The following AMBRA1 variants were observed in gnomAD, a reference collection of about 807,000 sequenced individuals.
The protein encoded by AMBRA1 is activating molecule in BECN1-regulated autophagy protein 1.
Under a neutral mutation model 125.4 loss-of-function variants are expected in AMBRA1, and 47 were observed. The observed-to-expected ratio is 0.37, with a 90% CI of 0.30 to 0.48. AMBRA1 has a LOEUF of 0.48. Ranked by LOEUF, AMBRA1 falls within the 20% of genes least tolerant of loss-of-function variation. The probability of loss-of-function intolerance (pLI) is 0.99; values close to 1 mark genes in which losing one functional copy is unlikely to be tolerated. For synonymous variants in AMBRA1, 626 were observed against 655.5 expected, an observed-to-expected ratio of 0.95 and a Z score of 0.69; for missense variants, 1,331 against 1,693.4, an observed-to-expected ratio of 0.79 and a Z score of 3.76.
At chr11:46,502,388 A>AT (rs1207741971) in intron 9 of AMBRA1, among the ~76,000 whole-genome samples, 1 of 152,230 alleles carries the variant, frequency 6.6e-6, no homozygotes, top group Non-Finnish European at 1.5e-5. Flanking sequence ...TGCACTCCTA[A>AT]TATTAGAGTC....
chr11:46,575,512 C>CTTTTTTTTTTTTTTTTTTTTTTTTT, intron 1 of AMBRA1, among the ~76,000 whole-genome samples: 1 of 100,412 alleles, frequency 1.0e-5, no homozygotes, highest in Non-Finnish European at 2.0e-5. Context: ...TTTTTCTTTC[C>CTTTTTTTTTTTTTTTTTTTTTTTTT]TTTTTTTTTT....
At chr11:46,560,239 A>G (rs1359209961) in intron 1 of AMBRA1, among the ~76,000 whole-genome samples, 1 of 152,242 alleles carries the variant, frequency 6.6e-6, no homozygotes, top group Non-Finnish European at 1.5e-5. Context: ...CACAGGCAGC[A>G]GCATTAGTTT....
Position 46,512,817 on chromosome 11 carries a change from G to A in AMBRA1, c.2073-4C>T. 1 of 1,608,162 alleles carries A rather than the reference G, an allele frequency of 6.2e-7. No homozygotes were observed. The highest frequency in any genetic ancestry group is 8.5e-7 in the Non-Finnish European group (1 of 1,177,134). On this transcript the variant is annotated splice_region_variant and splice_polypyrimidine_tract_variant and intron_variant, in intron 7 of 17. Coordinates refer to ENST00000683756, the MANE Select transcript of AMBRA1 (RefSeq NM_001387011.1). ...GAGGGAAGATTCCAGCAGCCTCCTAGCAGAGATTAAAAAAATGGCAATAAT... is the reference window on the plus strand; with the variant it reads ...GAGGGAAGATTCCAGCAGCCTCCTAACAGAGATTAAAAAAATGGCAATAAT...
intron 11 of AMBRA1, among the ~76,000 whole-genome samples, chr11:46,456,651 G>C (rs537346926): frequency 2.0e-5 from 3 of 152,344 alleles, no homozygotes; most frequent in African/African-American, 4.8e-5. Context: ...TTATTGTTTG[G>C]TGGAAGCACA....
chr11:46,548,433 C>T lies in AMBRA1; in HGVS notation c.-53G>A, dbSNP rs2042892571. 21 of 1,607,878 alleles carry T rather than the reference C, an allele frequency of 1.3e-5. No individual in the cohort carries two copies. In the South Asian group the frequency reaches 1.9e-4, roughly 14 times the overall value. ...GCCCAGGAAATGAAGGAGCAAGTAA[C>T]AGCTCCAACACACTGAAGCAGCTAA... is the stretch of plus-strand genomic sequence containing the variant. On this transcript the variant is annotated 5_prime_UTR_variant, in exon 2 of 18. Transcript: ENST00000683756.
intron 1 of AMBRA1, among the ~76,000 whole-genome samples, chr11:46,569,311 T>C (rs895692213): frequency 6.7e-5 from 10 of 148,754 alleles, no homozygotes; most frequent in African/African-American, 2.5e-4. Context: ...TCATAGTTCA[T>C]ACAAACATGT....
At chr11:46,458,166 T>C (rs1191609051) in intron 11 of AMBRA1, among the ~76,000 whole-genome samples, 3 of 152,186 alleles carry the variant, frequency 2.0e-5, no homozygotes, top group Non-Finnish European at 2.9e-5. Context: ...CATAAAAAGA[T>C]AGCTAATTTG....
At chr11:46,417,799 G>T in intron 15 of AMBRA1, 114 bp downstream of exon 15, 1 of 1,266,530 alleles carries the variant, frequency 7.9e-7, no homozygotes, top group Non-Finnish European at 1.0e-6. Context: ...TGAGAATGAG[G>T]CAGGCTCTAG....
At chr11:46,588,487 T>C (rs1299131496) in intron 1 of AMBRA1, among the ~76,000 whole-genome samples, 2 of 152,006 alleles carry the variant, frequency 1.3e-5, no homozygotes, top group African/African-American at 4.8e-5. Flanking sequence ...ACTTAAGTAT[T>C]ATGATGGGCC....
chr11:46,508,407 C>T lies in AMBRA1; in HGVS notation c.2160-37G>A, dbSNP rs1020692552. 1.9e-6 allele frequency: 3 copies of T among 1,597,922 alleles called. No individual in the cohort carries two copies. In the African/African-American group the frequency reaches 4.0e-5, roughly 21 times the overall value. On this transcript the variant is annotated intron_variant, in intron 8 of 17. Coordinates refer to ENST00000683756, the MANE Select transcript of AMBRA1 (RefSeq NM_001387011.1). Reference sequence around the variant, plus strand: ...AGAGATGGACAAACACAAACTAGCACTAATGTGGGGAATACTATGAAAGGC... The same window carrying T: ...AGAGATGGACAAACACAAACTAGCATTAATGTGGGGAATACTATGAAAGGC...
intron 14 of AMBRA1, chr11:46,428,739 T>C: frequency 6.2e-7 from 1 of 1,609,898 alleles, no homozygotes; most frequent in Non-Finnish European, 8.5e-7. Flanking sequence ...TCGGCTTTCT[T>C]GTCGGCACCA....
chr11:46,453,279 C>G (rs540787280), intron 11 of AMBRA1, among the ~76,000 whole-genome samples: 34 of 151,770 alleles, frequency 2.2e-4, no homozygotes, highest in African/African-American at 8.2e-4. Context: ...TTTTTCTTCC[C>G]CAAAGAGACA....
chr11:46,478,206 A>G (rs1277476141), intron 11 of AMBRA1, among the ~76,000 whole-genome samples: 1 of 152,202 alleles, frequency 6.6e-6, no homozygotes, highest in Non-Finnish European at 1.5e-5. Flanking sequence ...AACCACTGCT[A>G]TAAGAAAGCA....
intron 12 of AMBRA1, among the ~76,000 whole-genome samples, chr11:46,441,514 AG>A (rs1948006876): frequency 6.6e-6 from 1 of 152,042 alleles, no homozygotes; most frequent in Non-Finnish European, 1.5e-5. Flanking sequence ...ACTCTGTTTC[AG>A]AAAAAAAAAG....
intron 7 of AMBRA1, among the ~76,000 whole-genome samples, chr11:46,529,352 A>C (rs548719361): frequency 2.9e-4 from 44 of 152,322 alleles, no homozygotes; most frequent in Non-Finnish European, 4.1e-4. Context: ...GCTATTTAAA[A>C]ATCAGGCAGC....
rs544194854 is a variant in AMBRA1, at chr11:46,504,931, T to C, written c.2339+3260A>G. On this transcript the variant is annotated intron_variant, in intron 9 of 17. Transcript: ENST00000683756. ...ACCACAAAAGATGGGCTCTGAGTAATGGCTCCCTTGGTTTTCTGAGAACAC... is the reference window on the plus strand; with the variant it reads ...ACCACAAAAGATGGGCTCTGAGTAACGGCTCCCTTGGTTTTCTGAGAACAC... Among the ~76,000 whole-genome samples, 11 of 152,340 alleles carry C rather than the reference T, an allele frequency of 7.2e-5. No homozygotes were observed. The East Asian group carries it at 2.1e-3, about 29-fold the overall frequency.
At chr11:46,468,820 A>G (rs533495061) in intron 11 of AMBRA1, among the ~76,000 whole-genome samples, 9 of 148,378 alleles carry the variant, frequency 6.1e-5, no homozygotes, top group African/African-American at 2.2e-4. Context: ...GTCTCAAAAA[A>G]AAAAAAAAGA....
intron 16 of AMBRA1, 106 bp downstream of exon 16, chr11:46,410,170 G>A (rs1946219280): frequency 3.1e-6 from 3 of 963,590 alleles, no homozygotes; most frequent in Admixed American, 1.7e-5. Context: ...TGCTCTGGTT[G>A]AGGAGGGACC....
intron 14 of AMBRA1, chr11:46,428,980 G>C (rs994734571): frequency 1.2e-5 from 20 of 1,612,248 alleles, no homozygotes; most frequent in Non-Finnish European, 1.6e-5. Flanking sequence ...GTTCCTTCAC[G>C]TAGCCTCGGG....
Sources: allele counts gnomAD v4.1 joint callset (sites outside exome capture counted in the v4.1 genomes callset), GRCh38; gene constraint gnomAD v4.1.1; transcripts MANE v1.5; gene names NCBI Gene and HGNC (gene_info 2026-07-23, HGNC 2026-07-21).